The following ABTB3 variants were observed in gnomAD, a reference collection of about 807,000 sequenced individuals.
ABTB3 encodes ankyrin repeat- and BTB/POZ domain-containing protein 3.
At chr12:107,392,035 C>A in the ABTB3 span, among the ~76,000 whole-genome samples, 2 of 152,184 alleles carry the variant, frequency 1.3e-5, no homozygotes, top group African/African-American at 4.8e-5. Flanking sequence ...TGTCTCTGAG[C>A]ACCGGTTTTC....
chr12:107,658,909 G>A, the ABTB3 span: 1 of 152,614 alleles, frequency 6.6e-6, no homozygotes. Flanking sequence ...TTCTGAGAGT[G>A]TACAGTACAG....
chr12:107,589,687 G>A, the ABTB3 span, among the ~76,000 whole-genome samples: 1 of 152,360 alleles, frequency 6.6e-6, no homozygotes, highest in Non-Finnish European at 1.5e-5. Flanking sequence ...ACACAAGGGG[G>A]CATGGACTAT....
chr12:107,495,961 A>G, the ABTB3 span, among the ~76,000 whole-genome samples: 1 of 152,196 alleles, frequency 6.6e-6, no homozygotes, highest in Non-Finnish European at 1.5e-5. Flanking sequence ...AGAATGATGA[A>G]GATGGTGATG....
chr12:107,466,943 G>A, the ABTB3 span, among the ~76,000 whole-genome samples: 1 of 152,134 alleles, frequency 6.6e-6, no homozygotes, highest in Non-Finnish European at 1.5e-5. Flanking sequence ...TCACCATATC[G>A]TCTTTCTGAA....
At chr12:107,555,457 G>A in the ABTB3 span, among the ~76,000 whole-genome samples, 4 of 152,210 alleles carry the variant, frequency 2.6e-5, no homozygotes. Flanking sequence ...TGATCAGATG[G>A]ATAGGCTGCA....
chr12:107,629,636 T>C, the ABTB3 span, among the ~76,000 whole-genome samples: 1 of 36,638 alleles, frequency 2.7e-5, no homozygotes, highest in Admixed American at 3.8e-4. Flanking sequence ...CCTCCTGGAC[T>C]CATCCTGGCC....
chr12:107,333,281 G>C, the ABTB3 span, among the ~76,000 whole-genome samples: 2 of 152,352 alleles, frequency 1.3e-5, no homozygotes. Flanking sequence ...TAGAGAAGCA[G>C]AGTGAGTTCA....
chr12:107,492,615 C>A, the ABTB3 span, among the ~76,000 whole-genome samples: 1 of 152,192 alleles, frequency 6.6e-6, no homozygotes, highest in Non-Finnish European at 1.5e-5. Context: ...GTCCCCTTCA[C>A]CTCCTTGTCA....
chr12:107,487,112 C>T, the ABTB3 span, among the ~76,000 whole-genome samples: 2 of 152,200 alleles, frequency 1.3e-5, no homozygotes, highest in South Asian at 4.2e-4. Flanking sequence ...ACAGAGGTAC[C>T]CTTCCTCTCC....
chr12:107,387,979 T>TTG, the ABTB3 span, among the ~76,000 whole-genome samples: 1 of 147,860 alleles, frequency 6.8e-6, no homozygotes, highest in Admixed American at 6.7e-5. Context: ...CTTCTTTTTT[T>TTG]TTTTTTTTTT....
chr12:107,511,524 T>C, the ABTB3 span, among the ~76,000 whole-genome samples: 1 of 151,990 alleles, frequency 6.6e-6, no homozygotes, highest in Non-Finnish European at 1.5e-5. Flanking sequence ...CTCTTCTCCA[T>C]GTGTCCTTCT....
the ABTB3 span, among the ~76,000 whole-genome samples, chr12:107,472,392 C>T: frequency 6.6e-6 from 1 of 152,110 alleles, no homozygotes; most frequent in Admixed American, 6.5e-5. Context: ...CTCCAGGAGC[C>T]AGGATAAGAC....
At chr12:107,423,574 C>A in the ABTB3 span, among the ~76,000 whole-genome samples, 1 of 151,888 alleles carries the variant, frequency 6.6e-6, no homozygotes, top group Non-Finnish European at 1.5e-5. Flanking sequence ...GTGTGTGGGG[C>A]CGGGAGGAGA....
At chr12:107,414,475 T>G in the ABTB3 span, among the ~76,000 whole-genome samples, 2 of 152,158 alleles carry the variant, frequency 1.3e-5, no homozygotes, top group Non-Finnish European at 2.9e-5. Context: ...TGCACCCTCA[T>G]GATAAGCACA....
the ABTB3 span, among the ~76,000 whole-genome samples, chr12:107,546,406 C>A: frequency 6.6e-6 from 1 of 152,214 alleles, no homozygotes; most frequent in Non-Finnish European, 1.5e-5. Flanking sequence ...TCACCCCAGT[C>A]AGAAAACTGA....
the ABTB3 span, among the ~76,000 whole-genome samples, chr12:107,621,250 C>T: frequency 6.6e-6 from 1 of 151,076 alleles, no homozygotes; most frequent in African/African-American, 2.5e-5. Context: ...AGGTCAAGAC[C>T]CACCAGGACC....
the ABTB3 span, among the ~76,000 whole-genome samples, chr12:107,606,501 C>G: frequency 2.0e-5 from 3 of 152,108 alleles, no homozygotes; most frequent in Admixed American, 2.0e-4. Context: ...TTTGTAGCCC[C>G]GTAGTGTGGG....
At chr12:107,454,319 A>G in the ABTB3 span, among the ~76,000 whole-genome samples, 1 of 152,218 alleles carries the variant, frequency 6.6e-6, no homozygotes, top group Non-Finnish European at 1.5e-5. Context: ...AAAAATCATT[A>G]AGGAATGTAA....
the ABTB3 span, among the ~76,000 whole-genome samples, chr12:107,396,709 T>A: frequency 6.6e-6 from 1 of 152,114 alleles, no homozygotes; most frequent in South Asian, 2.1e-4. Context: ...GTTGATAATT[T>A]CTCATATTTG....
Sources: gnomAD v4.1 joint callset for allele counts (sites outside exome capture counted in the v4.1 genomes callset) on GRCh38, gnomAD v4.1.1 for gene constraint, MANE v1.5 for transcripts, NCBI Gene and HGNC (gene_info 2026-07-23, HGNC 2026-07-21) for gene names.